OCA2: variants seen among roughly 807,000 people sequenced by gnomAD.
OCA2 encodes the protein P protein.
In OCA2, 77 loss-of-function variants were observed where a neutral mutation model predicts 100.2. That is an observed-to-expected ratio of 0.77 (90% CI 0.64 to 0.93). The LOEUF (loss-of-function observed/expected upper bound fraction) is 0.93, where lower values mean the gene tolerates loss of function less well. Among genes scored for constraint, OCA2 ranks in the 40% least tolerant of loss-of-function variants. The pLI is 0.00. For synonymous variants in OCA2, 432 were observed against 439.2 expected, an observed-to-expected ratio of 0.98 and a Z score of 0.21; for missense variants, 1,062 against 1,089.1, an observed-to-expected ratio of 0.98 and a Z score of 0.35.
intron 18 of OCA2, among the ~76,000 whole-genome samples, chr15:27,932,499 G>A (rs2140425621): frequency 6.6e-6 from 1 of 152,170 alleles, no homozygotes; most frequent in South Asian, 2.1e-4. Context: ...GGCGGTGGGG[G>A]CAGGCAGAGA....
At chr15:27,777,924 T>C (rs1382048161) in intron 23 of OCA2, among the ~76,000 whole-genome samples, 1 of 152,242 alleles carries the variant, frequency 6.6e-6, no homozygotes, top group Non-Finnish European at 1.5e-5. Context: ...CTCGTGACTC[T>C]TTCTCAGAAA....
intron 1 of OCA2, among the ~76,000 whole-genome samples, chr15:28,087,083 C>T (rs1056446939): frequency 6.6e-6 from 1 of 152,112 alleles, no homozygotes; most frequent in African/African-American, 2.4e-5. Context: ...ATTTGAGAAG[C>T]TGAGCAAACC....
At chr15:27,892,820 T>C (rs1011009127) in intron 19 of OCA2, among the ~76,000 whole-genome samples, 2 of 152,080 alleles carry the variant, frequency 1.3e-5, no homozygotes, top group African/African-American at 4.8e-5. Flanking sequence ...CTAAAAAGAC[T>C]GACCAAAAAT....
At chr15:27,983,573 C>T (rs1470621757) in intron 13 of OCA2, 90 bp from the exon 14 acceptor site, 11 of 1,425,148 alleles carry the variant, frequency 7.7e-6, no homozygotes, top group African/African-American at 4.2e-5. Context: ...GGCGCTTGCT[C>T]GTATAAGGGA....
At chr15:27,812,784 G>A (rs533330624) in intron 23 of OCA2, among the ~76,000 whole-genome samples, 1 of 152,226 alleles carries the variant, frequency 6.6e-6, no homozygotes, top group South Asian at 2.1e-4. Flanking sequence ...CACATTAACA[G>A]GATCTGTCTC....
chr15:27,788,305 T>C (rs2032916595), intron 23 of OCA2, among the ~76,000 whole-genome samples: 1 of 152,104 alleles, frequency 6.6e-6, no homozygotes, highest in Admixed American at 6.5e-5. Context: ...GCTATATCCA[T>C]TATTAAGAAG....
In OCA2 at chr15:27,774,404, A is replaced by G. The variant is rs115013455; in HGVS notation, c.2433-18932T>C. On this transcript the variant is annotated intron_variant, in intron 23 of 23. Transcript: ENST00000354638. ...CTGCTGTGCCTGGCCACCCAGCATC[A>G]TTGAGCGGAGACCAGTGTAACCTTT... Among the ~76,000 whole-genome samples the G allele has an allele frequency of 7.2e-3, 1,102 of 152,348 alleles. 19 individuals are homozygous for G. The highest frequency in any genetic ancestry group is 0.025 in the African/African-American group (1,054 of 41,584).
In OCA2 at chr15:27,875,758, A is replaced by T. The variant is rs561645950; in HGVS notation, c.2080-3836T>A. ...TACTTTTTTTTTAAGGTTTATTCCT[A>T]GGTTTCTTAGGGTTTTGGTATCATT... On this transcript the variant is annotated intron_variant, in intron 19 of 23. Transcript: ENST00000354638. Among the ~76,000 whole-genome samples the T allele has an allele frequency of 6.6e-5, 10 of 152,008 alleles. No individual in the cohort carries two copies. The South Asian group carries it at 2.1e-3, about 31-fold the overall frequency.
In OCA2 at chr15:27,966,673, G is replaced by T; in HGVS notation, c.1636+17C>A. 6.2e-7 allele frequency: 1 copy of T among 1,613,552 alleles called. No individual in the cohort carries two copies. Among genetic ancestry groups the T allele is most frequent in the Non-Finnish European group, 8.5e-7 (1 of 1,179,684 alleles). Reference sequence around the variant, plus strand: ...GTCATGAAATCTGAGCCTACATGAGGTTGCACTTGTACTCACCAACAATCT... The same window carrying T: ...GTCATGAAATCTGAGCCTACATGAGTTTGCACTTGTACTCACCAACAATCT... On this transcript the variant is annotated intron_variant, in intron 15 of 23. Transcript: ENST00000354638.
intron 23 of OCA2, among the ~76,000 whole-genome samples, chr15:27,814,757 A>T (rs2034213013): frequency 6.6e-6 from 1 of 152,118 alleles, no homozygotes; most frequent in Admixed American, 6.5e-5. Flanking sequence ...GGCCACCTGT[A>T]ATCTCAGCTA....
chr15:28,067,407 T>C (rs1326786006), intron 2 of OCA2, among the ~76,000 whole-genome samples: 1 of 152,206 alleles, frequency 6.6e-6, no homozygotes, highest in Non-Finnish European at 1.5e-5. Context: ...TGTTCCTTTC[T>C]CTCTAGTTCC....
chr15:27,915,439 G>A (rs2038630564), intron 19 of OCA2, among the ~76,000 whole-genome samples: 1 of 152,144 alleles, frequency 6.6e-6, no homozygotes, highest in Non-Finnish European at 1.5e-5. Context: ...TGGAATGGGA[G>A]AAAATTTTTG....
At chr15:28,039,954 C>T (rs747297970) in intron 2 of OCA2, among the ~76,000 whole-genome samples, 2 of 151,916 alleles carry the variant, frequency 1.3e-5, no homozygotes, top group Non-Finnish European at 2.9e-5. Flanking sequence ...ACTGCTTGAA[C>T]CCAAGAGGCG....
In OCA2 at chr15:28,081,649, T is replaced by A. The variant is rs147785669; in HGVS notation, c.226A>T (p.Arg76Trp). 3.2e-5 allele frequency: 52 copies of A among 1,613,172 alleles called. No homozygotes were observed. The highest frequency in any genetic ancestry group is 4.1e-5 in the Non-Finnish European group (48 of 1,179,746). ...QEFASFLTKGRSHSSLPQMSS... is the reference protein window; with the variant it reads ...QEFASFLTKGWSHSSLPQMSS... The stretch of plus-strand genomic sequence containing the variant: ...AAGATGGCACTATTTTAAACTCACC[T>A]CCCTTTTGTGAGGAATGAAGCAAAC... The change falls in exon 2 of 24, where the codon AGG becomes TGG. Residue 76 changes from arginine (R) to tryptophan (W), a missense_variant and splice_region_variant. By Grantham distance (101) the Arg-to-Trp change is moderately radical. Coordinates refer to ENST00000354638, the MANE Select transcript of OCA2 (RefSeq NM_000275.3).
the OCA2 span, among the ~76,000 whole-genome samples, chr15:27,740,202 G>T: frequency 6.6e-6 from 1 of 152,150 alleles, no homozygotes; most frequent in African/African-American, 2.4e-5. Context: ...AGAATAAAAG[G>T]CCAATAAGGT....
intron 2 of OCA2, among the ~76,000 whole-genome samples, chr15:28,048,673 A>C (rs2043415756): frequency 6.6e-6 from 1 of 152,180 alleles, no homozygotes; most frequent in Non-Finnish European, 1.5e-5. Context: ...AAAATAGATA[A>C]ATTGAGCTTC....
At chr15:27,872,660 C>T (rs2036627323) in intron 19 of OCA2, among the ~76,000 whole-genome samples, 1 of 151,870 alleles carries the variant, frequency 6.6e-6, no homozygotes, top group African/African-American at 2.4e-5. Context: ...GAAACAGCAG[C>T]TTGTCTGCGC....
chr15:27,803,966 G>A (rs2033718575), intron 23 of OCA2, among the ~76,000 whole-genome samples: 1 of 152,150 alleles, frequency 6.6e-6, no homozygotes, highest in Non-Finnish European at 1.5e-5. Context: ...ATTCCACTGG[G>A]TAGAAGCGTG....
chr15:27,724,319 C>T, the OCA2 span, among the ~76,000 whole-genome samples: 76 of 152,064 alleles, frequency 5.0e-4, 1 homozygote, highest in African/African-American at 1.8e-3. Context: ...CCGGGCCTCT[C>T]CCTTTTGCCC....
Sources: allele counts gnomAD v4.1 joint callset (sites outside exome capture counted in the v4.1 genomes callset), GRCh38; gene constraint gnomAD v4.1.1; transcripts MANE v1.5; gene names NCBI Gene and HGNC (gene_info 2026-07-23, HGNC 2026-07-21).